MITF: variants seen among roughly 807,000 people sequenced by gnomAD.
The protein encoded by MITF is melanocyte inducing transcription factor, also known as microphthalmia-associated transcription factor.
MITF carries 17 observed loss-of-function variants against 60.5 expected under a neutral mutation model. That is an observed-to-expected ratio of 0.28 (90% CI 0.19 to 0.42). The LOEUF is 0.42. Among genes scored for constraint, MITF ranks in the 10% least tolerant of loss-of-function variants. The pLI, the probability that MITF is intolerant of heterozygous loss-of-function variation, is 1.00. For synonymous variants in MITF, 260 were observed against 248.5 expected, an observed-to-expected ratio of 1.05 and a Z score of -0.43; for missense variants, 622 against 683.5, an observed-to-expected ratio of 0.91 and a Z score of 1.00.
chr3:69,879,275 GGCCCAGTTCA>G lies in MITF; in HGVS notation c.247_256del (p.Ala83CysfsTer7). ...GGGAGCAGCAGCAGAAGCTGCAGGC[GGCCCAGTTCA>G]TGCAACAGAGAGTGCCCGTGAGTCA... is the stretch of plus-strand genomic sequence containing the variant. On this transcript the variant is annotated frameshift_variant, in exon 2 of 10. Coordinates refer to ENST00000352241, the MANE Select transcript of MITF (RefSeq NM_001354604.2). LOFTEE classifies it high-confidence loss of function. 1 of 1,614,184 alleles carries G rather than the reference GGCCCAGTTCA, an allele frequency of 6.2e-7. No individual in the cohort carries two copies. The highest frequency in any genetic ancestry group is 8.5e-7 in the Non-Finnish European group (1 of 1,180,048).
At chr3:69,901,797 G>A (rs140465739) in intron 2 of MITF, among the ~76,000 whole-genome samples, 33 of 152,292 alleles carry the variant, frequency 2.2e-4, no homozygotes, top group African/African-American at 7.5e-4. Context: ...GAGCCTTGAC[G>A]ACATAGCGTG....
chr3:69,918,525 A>C (rs755308579), intron 2 of MITF, among the ~76,000 whole-genome samples: 1 of 152,174 alleles, frequency 6.6e-6, no homozygotes, highest in Non-Finnish European at 1.5e-5. Flanking sequence ...ATAGCAGTGC[A>C]TTGATTACCT....
chr3:69,963,241 A>T (rs539135035), intron 9 of MITF, among the ~76,000 whole-genome samples: 1 of 152,292 alleles, frequency 6.6e-6, no homozygotes, highest in African/African-American at 2.4e-5. Flanking sequence ...AAAATTGTTC[A>T]TCTTATAGAT....
At chr3:69,775,348 A>G (rs1402873915) in intron 1 of MITF, among the ~76,000 whole-genome samples, 1 of 152,144 alleles carries the variant, frequency 6.6e-6, no homozygotes, top group Non-Finnish European at 1.5e-5. Flanking sequence ...TCTCTCACCT[A>G]TTTATGTGAA....
intron 2 of MITF, among the ~76,000 whole-genome samples, chr3:69,903,157 A>C (rs1435098291): frequency 6.6e-6 from 1 of 152,160 alleles, no homozygotes. Flanking sequence ...TATGATGTGG[A>C]TTGAGTTTGT....
At chr3:69,930,679 T>G (rs2065700749) in intron 2 of MITF, among the ~76,000 whole-genome samples, 1 of 152,240 alleles carries the variant, frequency 6.6e-6, no homozygotes, top group Non-Finnish European at 1.5e-5. Context: ...TGAGAACATA[T>G]GAAAGCCTTG....
chr3:69,788,422 C>T (rs981610652), intron 1 of MITF, among the ~76,000 whole-genome samples: 1 of 151,720 alleles, frequency 6.6e-6, no homozygotes, highest in Non-Finnish European at 1.5e-5. Context: ...ACTATTTTCT[C>T]TCTCAGAGAA....
intron 1 of MITF, among the ~76,000 whole-genome samples, chr3:69,878,556 C>T (rs1433443442): frequency 6.6e-6 from 1 of 152,108 alleles, no homozygotes; most frequent in African/African-American, 2.4e-5. Flanking sequence ...AGAGCGAGGT[C>T]GAGTTCAGTG....
chr3:69,939,203 T>C (rs186853032), intron 4 of MITF, 22 bp downstream of exon 4: 8 of 1,602,654 alleles, frequency 5.0e-6, no homozygotes, highest in Non-Finnish European at 6.8e-6. Flanking sequence ...CTTGGCAGCC[T>C]GAGGATGAAC....
At chr3:69,941,469 G>A (rs1001188626) in intron 5 of MITF, 138 bp downstream of exon 5, 4 of 637,630 alleles carry the variant, frequency 6.3e-6, no homozygotes, top group Non-Finnish European at 1.1e-5. Context: ...ATTATCTCAG[G>A]ATCACAAATA....
intron 1 of MITF, among the ~76,000 whole-genome samples, chr3:69,778,130 A>G (rs2062504400): frequency 6.6e-6 from 1 of 152,074 alleles, no homozygotes; most frequent in African/African-American, 2.4e-5. Context: ...GTTGGACTTA[A>G]GTGGTAAGAG....
chr3:69,896,343 A>C lies in MITF; in HGVS notation c.354+16960A>C, dbSNP rs113143109. 7.6e-3 allele frequency among the ~76,000 whole-genome samples: 1,158 copies of C among 152,322 alleles called. 9 individuals are homozygous for C. The highest frequency in any genetic ancestry group is 0.026 in the African/African-American group (1,085 of 41,582). ...TACAGAGGCAGCAGCTGCAGAGACA[A>C]TACTGTCTGTGCTAACACAGGACAT... is the stretch of plus-strand genomic sequence containing the variant. On this transcript the variant is annotated intron_variant, in intron 2 of 9. Coordinates refer to ENST00000352241, the MANE Select transcript of MITF (RefSeq NM_001354604.2).
chr3:69,846,816 CAAAA>C (rs375853591), intron 1 of MITF, among the ~76,000 whole-genome samples: 42 of 100,278 alleles, frequency 4.2e-4, no homozygotes, highest in African/African-American at 1.6e-3. Context: ...GACTCTTTCT[CAAAA>C]AAAAAAAAAA....
rs780131806 is a variant in MITF at position 69,949,180 on chromosome 3, G to T, written c.880+12G>T. 2 of 1,569,670 alleles carry T rather than the reference G, an allele frequency of 1.3e-6. No individual in the cohort carries two copies. The highest frequency in any genetic ancestry group is 1.8e-6 in the Non-Finnish European group (2 of 1,139,644). ...AAGGGAGCTCACAGGTAAACACCTA[G>T]TAAATGTGCCTCTTACTGCAGATTT... is the stretch of plus-strand genomic sequence containing the variant. On this transcript the variant is annotated intron_variant, in intron 6 of 9. Coordinates refer to ENST00000352241, the MANE Select transcript of MITF (RefSeq NM_001354604.2).
At chr3:69,835,030 T>C (rs1226991235) in intron 1 of MITF, among the ~76,000 whole-genome samples, 1 of 142,232 alleles carries the variant, frequency 7.0e-6, no homozygotes, top group Admixed American at 7.0e-5. Context: ...TTTTTTTTTT[T>C]TTTTTTTTGG....
At chr3:69,820,109 A>G (rs1303131219) in intron 1 of MITF, among the ~76,000 whole-genome samples, 1 of 152,264 alleles carries the variant, frequency 6.6e-6, no homozygotes, top group Non-Finnish European at 1.5e-5. Flanking sequence ...CATAGATTTC[A>G]TATGAAAAAG....
intron 1 of MITF, among the ~76,000 whole-genome samples, chr3:69,808,876 G>A (rs2063055643): frequency 6.6e-6 from 1 of 152,122 alleles, no homozygotes; most frequent in Non-Finnish European, 1.5e-5. Flanking sequence ...AAGATCATTT[G>A]GGCTGTAATG....
chr3:69,793,098 C>T (rs545212022), intron 1 of MITF, among the ~76,000 whole-genome samples: 5 of 140,254 alleles, frequency 3.6e-5, no homozygotes, highest in South Asian at 2.4e-4. Flanking sequence ...TGGGCAACCT[C>T]GATTTCCTGG....
At chr3:69,887,624 A>G (rs1300170847) in intron 2 of MITF, among the ~76,000 whole-genome samples, 1 of 152,054 alleles carries the variant, frequency 6.6e-6, no homozygotes, top group Non-Finnish European at 1.5e-5. Context: ...GAATCAGGTA[A>G]AGCAGGGGGC....
Sources: allele counts gnomAD v4.1 joint callset (sites outside exome capture counted in the v4.1 genomes callset), GRCh38; gene constraint gnomAD v4.1.1; transcripts MANE v1.5; gene names NCBI Gene and HGNC (gene_info 2026-07-23, HGNC 2026-07-21).